ANKUB1: variants seen among roughly 807,000 people sequenced by gnomAD.
The protein encoded by ANKUB1 is protein ANKUB1.
A neutral mutation model predicts 49.3 loss-of-function variants in ANKUB1; 42 were observed. That is an observed-to-expected ratio of 0.85 (90% CI 0.67 to 1.10). The LOEUF is 1.10. Ranked by LOEUF, ANKUB1 falls within the 50% of genes least tolerant of loss-of-function variation. ANKUB1 has a pLI of 0.00. For missense variants in ANKUB1, 613 were observed against 642.0 expected (o/e 0.95, Z 0.49); for synonymous variants, 222 against 231.0 (o/e 0.96, Z 0.35).
At chr3:149,774,982 T>G (rs1183209791) in intron 3 of ANKUB1, among the ~76,000 whole-genome samples, 5 of 152,228 alleles carry the variant, frequency 3.3e-5, no homozygotes, top group Admixed American at 3.3e-4. Context: ...CCTCACTACC[T>G]TCTATAGAGC....
Position 149,768,113 on chromosome 3 carries a change from G to T in ANKUB1, c.567-18C>A. 2 of 1,327,382 alleles carry T rather than the reference G, an allele frequency of 1.5e-6. No individual in the cohort carries two copies. Among genetic ancestry groups the T allele is most frequent in the Non-Finnish European group, 2.0e-6 (2 of 1,023,566 alleles). 82.2% of individuals were successfully genotyped at this position (1,327,382 alleles called of 1,614,324 possible). On this transcript the variant is annotated intron_variant, in intron 4 of 5. Transcript: ENST00000446160. Reference sequence around the variant, plus strand: ...TCTGATACCTAAATGAGTGAAACAAGTGGGGAGGGGGTGTTTAGAAAATCA... The same window carrying T: ...TCTGATACCTAAATGAGTGAAACAATTGGGGAGGGGGTGTTTAGAAAATCA...
In ANKUB1 at chr3:149,780,432, G is replaced by A. The variant is rs199517574; in HGVS notation, c.258C>T (p.Tyr86=). Residue 86 remains tyrosine (Y), a synonymous_variant, in exon 3 of 6, where the codon TAC becomes TAT. Coordinates refer to ENST00000446160, the MANE Select transcript of ANKUB1 (RefSeq NM_001144960.3). ...FVKEEDKPTL[Y]VFNAVTQDTM... ...TGTCTTGAGTTACAGCATTGAACAC[G>A]TATAGAGTAGGCTTGTCTTCTTCCT... The A allele has an allele frequency of 8.3e-5, 129 of 1,551,846 alleles. No homozygotes were observed. The highest frequency in any genetic ancestry group is 1.7e-4 in the Middle Eastern group (1 of 6,018).
At chr3:149,782,424 A>G (rs1717911249) in intron 2 of ANKUB1, among the ~76,000 whole-genome samples, 1 of 152,152 alleles carries the variant, frequency 6.6e-6, no homozygotes, top group African/African-American at 2.4e-5. Flanking sequence ...GTGAGGTTAG[A>G]TAAGTTAAAA....
At chr3:149,779,893 G>T (rs1717778783) in intron 3 of ANKUB1, 1 of 273,486 alleles carries the variant, frequency 3.7e-6, no homozygotes, top group Admixed American at 4.7e-5. Flanking sequence ...TATCCATACT[G>T]AACTTACAGA....
At chr3:149,786,830 A>G (rs1718120479) in intron 2 of ANKUB1, among the ~76,000 whole-genome samples, 1 of 152,180 alleles carries the variant, frequency 6.6e-6, no homozygotes, top group African/African-American at 2.4e-5. Flanking sequence ...TAAATAGGGA[A>G]TGCTTTCCCC....
At position 149,767,242 on chromosome 3, in the gene ANKUB1, A is replaced by C. The variant is rs1717067725; in HGVS notation, c.1420T>G (p.Leu474Val). The C allele has an allele frequency of 6.4e-7, 1 of 1,551,446 alleles. No homozygotes were observed. The highest frequency in any genetic ancestry group is 8.7e-7 in the Non-Finnish European group (1 of 1,146,938). Residue 474 changes from leucine (L) to valine (V), a missense_variant, in exon 5 of 6, where the codon TTA becomes GTA. Coordinates refer to ENST00000446160, the MANE Select transcript of ANKUB1 (RefSeq NM_001144960.3). ...FFYATPSADF[L>V]LKSSFSSFLE... ...AAAGATGAGAAGGAGGACTTCAGTA[A>C]AAAGTCAGCACTGGGTGTTGCATAG...
At position 149,776,644 on chromosome 3, in the gene ANKUB1, G is replaced by A. The variant is rs1464686405; in HGVS notation, c.451+3595C>T. ...TCCCCACCACTGTCCTAGTGTGAGA[G>A]CTTTGATTCTTTCCTCTACTTAAAT... On this transcript the variant is annotated intron_variant, in intron 3 of 5. Transcript: ENST00000446160. Among the ~76,000 whole-genome samples, 5 of 152,268 alleles carry A rather than the reference G, an allele frequency of 3.3e-5. No homozygotes were observed. In the East Asian group the frequency reaches 9.6e-4, roughly 29 times the overall value.
intron 3 of ANKUB1, among the ~76,000 whole-genome samples, chr3:149,771,239 C>T (rs769803183): frequency 2.6e-5 from 4 of 152,198 alleles, no homozygotes; most frequent in Non-Finnish European, 5.9e-5. Flanking sequence ...TCCTTTTATC[C>T]TTCAGGCTGG....
At chr3:149,789,011 G>C (rs1718238346) in intron 2 of ANKUB1, among the ~76,000 whole-genome samples, 1 of 151,846 alleles carries the variant, frequency 6.6e-6, no homozygotes, top group Non-Finnish European at 1.5e-5. Flanking sequence ...CCAACCTCAG[G>C]TGATCCTCCC....
intron 2 of ANKUB1, among the ~76,000 whole-genome samples, chr3:149,787,438 G>A (rs1254820159): frequency 6.6e-6 from 1 of 152,194 alleles, no homozygotes; most frequent in African/African-American, 2.4e-5. Context: ...AGACTTTGCT[G>A]AAGTTGCTTA....
intron 1 of ANKUB1, 60 bp from the exon 2 acceptor site, chr3:149,790,984 G>T: frequency 1.4e-6 from 2 of 1,471,778 alleles, no homozygotes; most frequent in Non-Finnish European, 9.1e-7. Flanking sequence ...GACCAGAAAT[G>T]TACTCTCTTT....
chr3:149,767,003 T>C (rs1717055417), intron 5 of ANKUB1, 154 bp downstream of exon 5: 1 of 997,188 alleles, frequency 1.0e-6, no homozygotes, highest in Admixed American at 2.2e-5. Context: ...GTCCTAGTGA[T>C]GAGGCTAAGA....
At position 149,770,597 on chromosome 3, in the gene ANKUB1, C is replaced by CT. The variant is rs1717307233; in HGVS notation, c.528dup (p.Val177SerfsTer30). ...CCTTCTTTTGATAAGTAGCGTTGGACTTTAAGTTTTTGTCCAAGGAGACAA... is the reference window on the plus strand; with the variant it reads ...CCTTCTTTTGATAAGTAGCGTTGGACTTTTAAGTTTTTGTCCAAGGAGACAA... On this transcript the variant is annotated frameshift_variant, in exon 4 of 6. Coordinates refer to ENST00000446160, the MANE Select transcript of ANKUB1 (RefSeq NM_001144960.3). LOFTEE classifies it high-confidence loss of function. The CT allele has an allele frequency of 1.3e-6, 2 of 1,550,084 alleles. No homozygotes were observed. The highest frequency in any genetic ancestry group is 1.7e-6 in the Non-Finnish European group (2 of 1,146,472).
intron 5 of ANKUB1, among the ~76,000 whole-genome samples, chr3:149,764,951 A>G (rs921601210): frequency 6.6e-6 from 1 of 152,150 alleles, no homozygotes; most frequent in Non-Finnish European, 1.5e-5. Flanking sequence ...TGACCCGGCA[A>G]TTCTATTCCT....
rs1001731743 is a variant in ANKUB1 at position 149,770,802 on chromosome 3, A to G, written c.452-128T>C. 6.5e-6 allele frequency: 4 copies of G among 616,766 alleles called. No homozygotes were observed. In the African/African-American group the frequency reaches 7.6e-5, roughly 12 times the overall value. The allele number at this position is 616,766 out of a possible 1,614,324, so 38.2% of individuals were successfully genotyped here. A position where few individuals can be genotyped will look rare whatever the true frequency, so the allele number is the denominator to read the frequency against. ...ATGCAAAATGAAAAATAACCTTGGA[A>G]CAAGGAGACAGGGATGGTATTTTTA... is the stretch of plus-strand genomic sequence containing the variant. On this transcript the variant is annotated intron_variant, in intron 3 of 5. Transcript: ENST00000446160.
chr3:149,767,952 G>T lies in ANKUB1; in HGVS notation c.710C>A (p.Ala237Glu), dbSNP rs371128379. The change falls in exon 5 of 6, where the codon GCA becomes GAA. Residue 237 changes from alanine (A) to glutamate (E), a missense_variant. Coordinates refer to ENST00000446160, the MANE Select transcript of ANKUB1 (RefSeq NM_001144960.3). ...YRAWCHEALH[A>E]DVSKCPIHAA... is the part of the protein sequence containing the mutation. ...ATGAATGGGGCATTTAGAGACATCT[G>T]CATGAAGGGCTTCATGGCACCATGC... 23 of 1,545,378 alleles carry T rather than the reference G, an allele frequency of 1.5e-5. No individual in the cohort carries two copies. Among genetic ancestry groups the T allele is most frequent in the Middle Eastern group, 3.3e-4 (2 of 6,002 alleles).
Position 149,767,154 on chromosome 3 carries a change from TA to T in ANKUB1, c.1505+2del. 1 of 1,509,734 alleles carries T rather than the reference TA, an allele frequency of 6.6e-7. No individual in the cohort carries two copies. The highest frequency in any genetic ancestry group is 8.9e-7 in the Non-Finnish European group (1 of 1,129,680). The allele number at this position is 1,509,734 out of a possible 1,614,324, so 93.5% of individuals were successfully genotyped here. A position where few individuals can be genotyped will look rare whatever the true frequency, so the allele number is the denominator to read the frequency against. On this transcript the variant is annotated splice_donor_variant, in intron 5 of 5. Coordinates refer to ENST00000446160, the MANE Select transcript of ANKUB1 (RefSeq NM_001144960.3). LOFTEE classifies it high-confidence loss of function. ...GTTTGTATGTTTAAGGGGAGAACAT[TA>T]CCTTGCCACAGCTAAGCAGTAGATT...
At chr3:149,792,016 C>T (rs1036752190) in intron 1 of ANKUB1, among the ~76,000 whole-genome samples, 3 of 152,088 alleles carry the variant, frequency 2.0e-5, no homozygotes, top group African/African-American at 7.2e-5. Flanking sequence ...ATGCACAACC[C>T]ACACATTCCC....
In ANKUB1 at chr3:149,790,881, C is replaced by A; in HGVS notation, c.134G>T (p.Arg45Leu). 1 of 1,552,056 alleles carries A rather than the reference C, an allele frequency of 6.4e-7. No homozygotes were observed. Among genetic ancestry groups the A allele is most frequent in the Non-Finnish European group, 8.7e-7 (1 of 1,147,044 alleles). Reference protein sequence around the residue: ...IPLSEDKQGRRYLELMYAGAA... With the variant: ...IPLSEDKQGRLYLELMYAGAA... ...TCCAGCATACATTAACTCCAGATAC[C>A]GCCTGCCTTGTTTGTCTTCAGAGAG... The change falls in exon 2 of 6, where the codon CGG becomes CTG. Residue 45 changes from arginine to leucine, a missense_variant. Physicochemically the swap from Arg to Leu is moderately radical, Grantham distance 102. Transcript: ENST00000446160.
Sources: gnomAD v4.1 joint callset for allele counts (sites outside exome capture counted in the v4.1 genomes callset) on GRCh38, gnomAD v4.1.1 for gene constraint, MANE v1.5 for transcripts, NCBI Gene and HGNC (gene_info 2026-07-23, HGNC 2026-07-21) for gene names.